ARHGAP21: variants seen among roughly 807,000 people sequenced by gnomAD.
ARHGAP21 encodes the protein Rho GTPase activating protein 21, also known as rho GTPase-activating protein 21.
In ARHGAP21, 38 loss-of-function variants were observed where a neutral mutation model predicts 164.6. That is an observed-to-expected ratio of 0.23 (90% CI 0.18 to 0.30). ARHGAP21 has a LOEUF of 0.30. Among genes scored for constraint, ARHGAP21 ranks in the 10% least tolerant of loss-of-function variants. ARHGAP21 has a pLI of 1.00. For synonymous variants in ARHGAP21, 766 were observed against 857.9 expected (o/e 0.89, Z 1.87); for missense variants, 1,822 against 2,370.7 (o/e 0.77, Z 4.81).
chr10:24,659,005 G>A (rs892114707), intron 4 of ARHGAP21, among the ~76,000 whole-genome samples: 2 of 152,168 alleles, frequency 1.3e-5, no homozygotes, highest in Non-Finnish European at 2.9e-5. Context: ...CACACCCACT[G>A]GGTTGGCTAT....
At position 24,584,665 on chromosome 10, in the gene ARHGAP21, G is replaced by C. The variant is rs774357824; in HGVS notation, c.5624C>G (p.Thr1875Arg). Residue 1875 changes from threonine (T) to arginine (R), a missense_variant, in exon 26 of 26, where the codon ACA (threonine) becomes AGA (arginine). Thr to Arg is a moderately conservative substitution (Grantham distance 71, BLOSUM62 -1). Transcript: ENST00000396432. ...LSRGEIGDPQ[T>R]ENPSTREIAT... is the part of the protein sequence containing the mutation. The stretch of plus-strand genomic sequence containing the variant: ...TATTTCTCGTGTGCTTGGGTTCTCT[G>C]TCTGGGGATCTCCGATTTCTCCTCT... 3.1e-6 allele frequency: 5 copies of C among 1,613,840 alleles called. No homozygotes were observed. The African/African-American group carries it at 6.7e-5, about 22-fold the overall frequency.
intron 9 of ARHGAP21, among the ~76,000 whole-genome samples, 176 bp from the exon 10 acceptor site, chr10:24,608,079 GTAATTCTAAA>G (rs2077107208): frequency 6.6e-6 from 1 of 152,062 alleles, no homozygotes; most frequent in Non-Finnish European, 1.5e-5. Flanking sequence ...TATTACTCTA[GTAATTCTAAA>G]TAATTCTGAG....
chr10:24,623,826 C>G (rs1834818563), intron 7 of ARHGAP21, among the ~76,000 whole-genome samples: 1 of 152,174 alleles, frequency 6.6e-6, no homozygotes, highest in Non-Finnish European at 1.5e-5. Context: ...ACTTATTCAC[C>G]ATGGAGGCCA....
chr10:24,635,209 T>C, intron 4 of ARHGAP21, 106 bp from the exon 5 acceptor site: 1 of 625,786 alleles, frequency 1.6e-6, no homozygotes, highest in South Asian at 3.5e-5. Flanking sequence ...TTTAATGAAA[T>C]ATTAAATACA....
At chr10:24,589,114 T>C (rs1045364932) in intron 25 of ARHGAP21, among the ~76,000 whole-genome samples, 157 bp downstream of exon 25, 1 of 152,102 alleles carries the variant, frequency 6.6e-6, no homozygotes, top group African/African-American at 2.4e-5. Flanking sequence ...TCTAGTATTC[T>C]TCTTATCATA....
chr10:24,715,051 G>C (rs1202396219), intron 2 of ARHGAP21, among the ~76,000 whole-genome samples: 1 of 151,254 alleles, frequency 6.6e-6, no homozygotes, highest in Admixed American at 6.6e-5. Flanking sequence ...GAAAAGAAAA[G>C]AAAAGAAAAA....
chr10:24,667,322 T>C (rs1207574027), intron 3 of ARHGAP21, among the ~76,000 whole-genome samples: 1 of 152,212 alleles, frequency 6.6e-6, no homozygotes, highest in African/African-American at 2.4e-5. Flanking sequence ...TTTTGGCATT[T>C]GAGTGCGAGA....
At chr10:24,702,460 A>T (rs1463909145) in intron 2 of ARHGAP21, among the ~76,000 whole-genome samples, 1 of 152,120 alleles carries the variant, frequency 6.6e-6, no homozygotes, top group Non-Finnish European at 1.5e-5. Context: ...GTGGTATGGG[A>T]ATAACCAGTA....
intron 4 of ARHGAP21, among the ~76,000 whole-genome samples, chr10:24,653,694 T>A (rs1384984778): frequency 6.6e-6 from 1 of 152,186 alleles, no homozygotes; most frequent in African/African-American, 2.4e-5. Context: ...TAACCAGGTC[T>A]ACAGGTGCAA....
chr10:24,626,149 C>A (rs1204662516), intron 7 of ARHGAP21, among the ~76,000 whole-genome samples: 2 of 152,210 alleles, frequency 1.3e-5, no homozygotes, highest in African/African-American at 4.8e-5. Flanking sequence ...GTTATAAAAA[C>A]CGATTAACTT....
At chr10:24,642,200 C>T (rs986470772) in intron 4 of ARHGAP21, among the ~76,000 whole-genome samples, 2 of 152,054 alleles carry the variant, frequency 1.3e-5, no homozygotes, top group East Asian at 3.9e-4. Context: ...TCCATACACA[C>T]CACTAACAGA....
intron 2 of ARHGAP21, among the ~76,000 whole-genome samples, chr10:24,701,710 C>T (rs1321591479): frequency 6.6e-6 from 1 of 152,168 alleles, no homozygotes; most frequent in Non-Finnish European, 1.5e-5. Context: ...GGAACAAAAT[C>T]TCTTCAGGCC....
chr10:24,632,181 G>A (rs1221591589), intron 6 of ARHGAP21, among the ~76,000 whole-genome samples: 1 of 152,202 alleles, frequency 6.6e-6, no homozygotes, highest in Non-Finnish European at 1.5e-5. Flanking sequence ...TTTAGTGGTT[G>A]AAGTGTTATT....
chr10:24,663,246 A>G (rs1839880234), intron 4 of ARHGAP21, among the ~76,000 whole-genome samples: 1 of 152,140 alleles, frequency 6.6e-6, no homozygotes, highest in South Asian at 2.1e-4. Flanking sequence ...TTATCCCTTA[A>G]TCAACAACGC....
At chr10:24,586,474 G>A (rs374906198) in intron 25 of ARHGAP21, among the ~76,000 whole-genome samples, 1 of 152,154 alleles carries the variant, frequency 6.6e-6, no homozygotes, top group Non-Finnish European at 1.5e-5. Flanking sequence ...ATAGAGGCAT[G>A]GGATAGGTAA....
intron 7 of ARHGAP21, among the ~76,000 whole-genome samples, chr10:24,626,170 C>A (rs1454219765): frequency 1.3e-5 from 2 of 152,172 alleles, no homozygotes; most frequent in South Asian, 2.1e-4. Flanking sequence ...AAAATTTAAT[C>A]TTTGAGTCAA....
At chr10:24,638,808 T>TA (rs1478876337) in intron 4 of ARHGAP21, among the ~76,000 whole-genome samples, 2 of 152,164 alleles carry the variant, frequency 1.3e-5, no homozygotes, top group Non-Finnish European at 2.9e-5. Flanking sequence ...AAAAGACAAT[T>TA]ATCTTACATG....
At chr10:24,614,531 G>A (rs1037828445) in intron 9 of ARHGAP21, among the ~76,000 whole-genome samples, 3 of 152,092 alleles carry the variant, frequency 2.0e-5, no homozygotes, top group East Asian at 1.9e-4. Flanking sequence ...AGTGGCTCAC[G>A]CCTGTAATTC....
chr10:24,664,471 G>C (rs996932798), intron 4 of ARHGAP21, among the ~76,000 whole-genome samples: 1 of 151,434 alleles, frequency 6.6e-6, no homozygotes, highest in East Asian at 1.9e-4. Flanking sequence ...CAGGAGAATC[G>C]CTTGAACCCA....
Sources: gnomAD v4.1 joint callset for allele counts (sites outside exome capture counted in the v4.1 genomes callset) on GRCh38, gnomAD v4.1.1 for gene constraint, MANE v1.5 for transcripts, NCBI Gene and HGNC (gene_info 2026-07-23, HGNC 2026-07-21) for gene names.